The following USP6 variants were observed in gnomAD, a reference collection of about 807,000 sequenced individuals.
USP6 encodes ubiquitin carboxyl-terminal hydrolase 6.
A neutral mutation model predicts 175.7 loss-of-function variants in USP6; 128 were observed. The ratio of observed to expected loss-of-function variants is 0.73; its 90% CI spans 0.63 to 0.84. USP6 has a LOEUF of 0.84. Ranked by LOEUF, USP6 falls within the 40% of genes least tolerant of loss-of-function variation. The probability of loss-of-function intolerance (pLI) is 0.00; values close to 1 mark genes in which losing one functional copy is unlikely to be tolerated. For missense variants in USP6, 1,498 were observed against 1,760.3 expected, an observed-to-expected ratio of 0.85 and a Z score of 2.67; for synonymous variants, 562 against 630.6, an observed-to-expected ratio of 0.89 and a Z score of 1.63.
chr17:5,123,872 C>A (rs2072795664), intron 4 of USP6, among the ~76,000 whole-genome samples: 1 of 151,894 alleles, frequency 6.6e-6, no homozygotes, highest in African/African-American at 2.4e-5. Context: ...CGTACACCCC[C>A]TAATGCATGC....
chr17:5,144,650 G>A (rs1197906325), intron 25 of USP6, 40 bp from the exon 26 acceptor site: 1 of 1,603,450 alleles, frequency 6.2e-7, no homozygotes, highest in African/African-American at 1.3e-5. Flanking sequence ...CAAATTTTAT[G>A]GGTAGGAAAT....
At chr17:5,137,853 G>A in intron 20 of USP6, 103 bp downstream of exon 20, 4 of 1,587,012 alleles carry the variant, frequency 2.5e-6, no homozygotes, top group Non-Finnish European at 3.4e-6. Context: ...CTCTGTTCTG[G>A]CCCAGAGGGA....
intron 15 of USP6, chr17:5,134,229 C>T: frequency 1.8e-6 from 1 of 544,800 alleles, no homozygotes; most frequent in Non-Finnish European, 3.3e-6. Flanking sequence ...AGACAGAAAA[C>T]AGCAAAGAAA....
chr17:5,139,314 A>T lies in USP6; in HGVS notation c.1138A>T (p.Thr380Ser). 1 of 1,609,596 alleles carries T rather than the reference A, an allele frequency of 6.2e-7. No individual in the cohort carries two copies. Among genetic ancestry groups the T allele is most frequent in the South Asian group, 1.1e-5 (1 of 91,006 alleles). The change falls in exon 22 of 38, where the codon ACC becomes TCC. Residue 380 changes from threonine (T) to serine (S), a missense_variant. Transcript: ENST00000574788. The part of the protein sequence containing the change: ...RPVPASRGGK[T>S]LCKGYRQAPP... ...TGTGCCGGCTTCACGTGGTGGGAAG[A>T]CCCTCTGCAAGGGGTATAGGCAGGC...
chr17:5,151,368 G>C (rs2144045676), intron 30 of USP6, among the ~76,000 whole-genome samples: 1 of 152,138 alleles, frequency 6.6e-6, no homozygotes, highest in South Asian at 2.1e-4. Context: ...TAAGATGTCA[G>C]TTCTCTACAA....
intron 30 of USP6, among the ~76,000 whole-genome samples, chr17:5,153,727 C>T (rs190608796): frequency 1.3e-5 from 2 of 152,132 alleles, no homozygotes; most frequent in Admixed American, 1.3e-4. Flanking sequence ...ACGATCTCGG[C>T]TCACTGTACT....
intron 11 of USP6, among the ~76,000 whole-genome samples, chr17:5,130,976 G>A: frequency 6.6e-6 from 1 of 152,218 alleles, no homozygotes; most frequent in East Asian, 1.9e-4. Flanking sequence ...GAGCGGGGCA[G>A]CCTGAGGTTC....
Position 5,173,173 on chromosome 17 carries a change from A to T in USP6, c.*195A>T. On this transcript the variant is annotated 3_prime_UTR_variant, in exon 38 of 38. Transcript: ENST00000574788. Reference sequence around the variant, plus strand: ...TGAAGTCTCATACAAGCTGTCTGATAGAGAACTTTCAGGCAGATCCCACCA... The same window carrying T: ...TGAAGTCTCATACAAGCTGTCTGATTGAGAACTTTCAGGCAGATCCCACCA... The T allele has an allele frequency of 1.3e-6, 1 of 758,208 alleles. No homozygotes were observed. Among genetic ancestry groups the T allele is most frequent in the South Asian group, 2.1e-5 (1 of 48,190 alleles). 47.0% of individuals were successfully genotyped at this position (758,208 alleles called of 1,614,324 possible).
chr17:5,133,650 G>GGA, intron 14 of USP6, 100 bp downstream of exon 14: 17 of 556,532 alleles, frequency 3.1e-5, no homozygotes, highest in Non-Finnish European at 4.5e-5. Context: ...GGGGGGGTGG[G>GGA]AGGGGATGGT....
At chr17:5,170,073 T>G (rs1338861368) in intron 35 of USP6, among the ~76,000 whole-genome samples, 5 of 152,234 alleles carry the variant, frequency 3.3e-5, no homozygotes, top group African/African-American at 4.8e-5. Context: ...AGCAGGAAAT[T>G]CCCAGTACCA....
intron 27 of USP6, 30 bp downstream of exon 27, chr17:5,145,609 G>A (rs1338254515): frequency 8.4e-6 from 13 of 1,538,522 alleles, no homozygotes; most frequent in Non-Finnish European, 1.1e-5. Context: ...AAAATTACTT[G>A]ATTCCATTAA....
Position 5,173,442 on chromosome 17 carries a change from G to A in USP6, c.*464G>A. 4.5e-6 allele frequency: 1 copy of A among 223,386 alleles called. No individual in the cohort carries two copies. The highest frequency in any genetic ancestry group is 1.4e-3 in the Middle Eastern group (1 of 722). The allele number at this position is 223,386 out of a possible 1,614,324, so 13.8% of individuals were successfully genotyped here. A position where few individuals can be genotyped will look rare whatever the true frequency, so the allele number is the denominator to read the frequency against. ...CCATTATATTGACAAGATGGAGAAAGCAAGATCATGAAGGTGTGCAAATGA... is the reference window on the plus strand; with the variant it reads ...CCATTATATTGACAAGATGGAGAAAACAAGATCATGAAGGTGTGCAAATGA... On this transcript the variant is annotated 3_prime_UTR_variant, in exon 38 of 38. Coordinates refer to ENST00000574788, the MANE Select transcript of USP6 (RefSeq NM_001304284.2).
At chr17:5,125,616 G>T (rs184606824) in intron 5 of USP6, among the ~76,000 whole-genome samples, 2 of 151,034 alleles carry the variant, frequency 1.3e-5, no homozygotes, top group African/African-American at 4.9e-5. Context: ...AGTTGCAGCT[G>T]CCCTCCCACA....
At chr17:5,131,073 G>A (rs1332261930) in intron 11 of USP6, among the ~76,000 whole-genome samples, 5 of 152,218 alleles carry the variant, frequency 3.3e-5, no homozygotes, top group Admixed American at 6.5e-5. Context: ...TCTCAGGGCT[G>A]TTGTCCAGCA....
chr17:5,141,094 C>T (rs2073431985), intron 22 of USP6, among the ~76,000 whole-genome samples: 1 of 152,004 alleles, frequency 6.6e-6, no homozygotes, highest in African/African-American at 2.4e-5. Flanking sequence ...TGTTTAGGTA[C>T]ACAAATACTT....
At chr17:5,127,878 C>T (rs1387056270) in intron 7 of USP6, among the ~76,000 whole-genome samples, 4 of 152,208 alleles carry the variant, frequency 2.6e-5, no homozygotes, top group Non-Finnish European at 5.9e-5. Flanking sequence ...ACAAGAACAA[C>T]GTCTGCACAT....
intron 37 of USP6, 26 bp downstream of exon 37, chr17:5,171,705 AAGTT>A (rs1260738346): frequency 2.5e-6 from 4 of 1,607,322 alleles, no homozygotes; most frequent in South Asian, 2.2e-5. Context: ...CTTTGAATGA[AAGTT>A]AGAATATCAA....
rs1036310058 is a variant in USP6 at position 5,135,982 on chromosome 17, T to G, written c.664+54T>G. 7 of 1,596,630 alleles carry G rather than the reference T, an allele frequency of 4.4e-6. No homozygotes were observed. The African/African-American group carries it at 8.0e-5, about 18-fold the overall frequency. On this transcript the variant is annotated intron_variant, in intron 17 of 37. Coordinates refer to ENST00000574788, the MANE Select transcript of USP6 (RefSeq NM_001304284.2). ...ACGCAGCCAGACCCGGGAAAGCCACTGTGGCCAGGTGATCTCGGCTTTCAG... is the reference window on the plus strand; with the variant it reads ...ACGCAGCCAGACCCGGGAAAGCCACGGTGGCCAGGTGATCTCGGCTTTCAG...
intron 25 of USP6, among the ~76,000 whole-genome samples, chr17:5,143,536 T>C (rs2143973725): frequency 6.6e-6 from 1 of 151,772 alleles, no homozygotes; most frequent in African/African-American, 2.4e-5. Flanking sequence ...TGTGCTTTGT[T>C]AAACAGATGC....
Sources: allele counts gnomAD v4.1 joint callset (sites outside exome capture counted in the v4.1 genomes callset), GRCh38; gene constraint gnomAD v4.1.1; transcripts MANE v1.5; gene names NCBI Gene and HGNC (gene_info 2026-07-23, HGNC 2026-07-21).